Variants in SLC4A10 observed in about 807,000 individuals in gnomAD.
SLC4A10 encodes sodium-driven chloride bicarbonate exchanger.
SLC4A10 carries 42 observed loss-of-function variants against 137.7 expected under a neutral mutation model. The observed-to-expected ratio is 0.30, with a 90% CI of 0.24 to 0.39. The LOEUF (loss-of-function observed/expected upper bound fraction) is 0.39, where lower values mean the gene tolerates loss of function less well. Among genes scored for constraint, SLC4A10 ranks in the 10% least tolerant of loss-of-function variants. SLC4A10 has a pLI of 1.00. For synonymous variants in SLC4A10, 474 were observed against 464.1 expected, an observed-to-expected ratio of 1.02 and a Z score of -0.27; for missense variants, 925 against 1,355.0, an observed-to-expected ratio of 0.68 and a Z score of 4.98.
chr2:161,837,375 A>T (rs1012914389), intron 3 of SLC4A10, among the ~76,000 whole-genome samples: 1 of 152,212 alleles, frequency 6.6e-6, no homozygotes, highest in African/African-American at 2.4e-5. Flanking sequence ...TAAATTTAAC[A>T]AAGCAGGTAG....
chr2:161,723,556 T>C (rs1210078731), intron 1 of SLC4A10, among the ~76,000 whole-genome samples: 1 of 152,254 alleles, frequency 6.6e-6, no homozygotes, highest in Non-Finnish European at 1.5e-5. Context: ...GTTATTATTA[T>C]CATAATCTTT....
intron 15 of SLC4A10, among the ~76,000 whole-genome samples, chr2:161,927,787 G>A (rs1272373431): frequency 1.3e-5 from 2 of 152,158 alleles, no homozygotes; most frequent in Non-Finnish European, 2.9e-5. Context: ...ACCATCACTG[G>A]CCATCAGAGA....
At chr2:161,798,910 T>C (rs1450487444) in intron 2 of SLC4A10, among the ~76,000 whole-genome samples, 7 of 148,534 alleles carry the variant, frequency 4.7e-5, no homozygotes, top group Non-Finnish European at 1.5e-5. Context: ...GCATTCTAGA[T>C]AAGGTTTTAC....
intron 2 of SLC4A10, among the ~76,000 whole-genome samples, chr2:161,772,140 TG>T (rs1332999521): frequency 2.6e-5 from 4 of 151,828 alleles, no homozygotes; most frequent in African/African-American, 9.7e-5. Flanking sequence ...TTATGCTTAC[TG>T]GGGGGGCCTA....
intron 23 of SLC4A10, among the ~76,000 whole-genome samples, chr2:161,970,263 T>C (rs1575923670): frequency 6.6e-6 from 1 of 152,356 alleles, no homozygotes; most frequent in East Asian, 1.9e-4. Context: ...ATTTATGTAC[T>C]GATATGAACT....
chr2:161,776,050 G>A (rs1033187616), intron 2 of SLC4A10, among the ~76,000 whole-genome samples: 1 of 151,748 alleles, frequency 6.6e-6, no homozygotes, highest in African/African-American at 2.4e-5. Context: ...AATAGGAATA[G>A]CATAAGATTT....
At chr2:161,907,039 G>A (rs1684579030) in intron 15 of SLC4A10, among the ~76,000 whole-genome samples, 1 of 128,984 alleles carries the variant, frequency 7.8e-6, no homozygotes, top group African/African-American at 2.9e-5. Context: ...CTGGGCGACA[G>A]AGCGAGACTC....
At chr2:161,708,453 A>G (rs1048267204) in intron 1 of SLC4A10, among the ~76,000 whole-genome samples, 8 of 151,634 alleles carry the variant, frequency 5.3e-5, no homozygotes, top group African/African-American at 7.2e-5. Context: ...TCATAGTATC[A>G]GAAATGGGAA....
At position 161,938,186 on chromosome 2, in the gene SLC4A10, G is replaced by A. The variant is rs141164517; in HGVS notation, c.1998-4606G>A. On this transcript the variant is annotated intron_variant, in intron 15 of 26. Coordinates refer to ENST00000446997, the MANE Select transcript of SLC4A10 (RefSeq NM_001178015.2). ...TTCGGGAGGCTGAGGCACGAGAATCGCTTGAACCTGGGAGGCGGAGGTTGC... is the reference window on the plus strand; with the variant it reads ...TTCGGGAGGCTGAGGCACGAGAATCACTTGAACCTGGGAGGCGGAGGTTGC... 2.4e-3 allele frequency among the ~76,000 whole-genome samples: 358 copies of A among 152,246 alleles called. 1 individual carries two copies. The highest frequency in any genetic ancestry group is 3.6e-3 in the Non-Finnish European group (242 of 68,014).
chr2:161,801,401 T>G (rs1022634028), intron 2 of SLC4A10, among the ~76,000 whole-genome samples: 2 of 152,096 alleles, frequency 1.3e-5, no homozygotes, highest in African/African-American at 2.4e-5. Context: ...CTTATCTTTC[T>G]ATTTCAAAAT....
At chr2:161,721,082 G>T (rs1049052130) in intron 1 of SLC4A10, among the ~76,000 whole-genome samples, 1 of 152,134 alleles carries the variant, frequency 6.6e-6, no homozygotes, top group Non-Finnish European at 1.5e-5. Flanking sequence ...ACCCACCTCG[G>T]CCTCCCAAAG....
chr2:161,716,463 G>T (rs2044890014), intron 1 of SLC4A10, among the ~76,000 whole-genome samples: 1 of 152,026 alleles, frequency 6.6e-6, no homozygotes, highest in African/African-American at 2.4e-5. Context: ...ATAATTTTGG[G>T]TTTTACATTT....
At chr2:161,820,866 G>A (rs2057557111) in intron 3 of SLC4A10, among the ~76,000 whole-genome samples, 1 of 152,160 alleles carries the variant, frequency 6.6e-6, no homozygotes, top group Non-Finnish European at 1.5e-5. Context: ...ATGCCAAATA[G>A]ATTTCCAAAA....
chr2:161,718,399 TG>T (rs1170625421), intron 1 of SLC4A10, among the ~76,000 whole-genome samples: 3 of 152,136 alleles, frequency 2.0e-5, no homozygotes, highest in African/African-American at 7.2e-5. Flanking sequence ...TGTTAGGATG[TG>T]GGTTTGAGAT....
At chr2:161,947,465 C>A (rs1694032577) in intron 16 of SLC4A10, 101 bp from the exon 17 acceptor site, 1 of 1,215,664 alleles carries the variant, frequency 8.2e-7, no homozygotes, top group Non-Finnish European at 1.1e-6. Flanking sequence ...AAGGAAAAGC[C>A]TCAGCATCTG....
intron 15 of SLC4A10, among the ~76,000 whole-genome samples, chr2:161,938,912 C>T (rs1174001721): frequency 3.3e-5 from 5 of 151,810 alleles, no homozygotes; most frequent in Non-Finnish European, 5.9e-5. Context: ...TAATTTAAAG[C>T]ACCAGTTCAC....
chr2:161,639,348 C>A (rs1470557259), intron 1 of SLC4A10, among the ~76,000 whole-genome samples: 2 of 151,974 alleles, frequency 1.3e-5, no homozygotes, highest in African/African-American at 4.8e-5. Flanking sequence ...GACCAATATC[C>A]CTGATGAACA....
chr2:161,795,423 A>G (rs1290684086), intron 2 of SLC4A10, among the ~76,000 whole-genome samples: 2 of 152,120 alleles, frequency 1.3e-5, no homozygotes, highest in East Asian at 3.9e-4. Flanking sequence ...AAAGCTGTAC[A>G]TATTTAATGT....
chr2:161,658,728 T>C (rs902749505), intron 1 of SLC4A10, among the ~76,000 whole-genome samples: 1 of 150,648 alleles, frequency 6.6e-6, no homozygotes, highest in Non-Finnish European at 1.5e-5. Context: ...GTAACTGGGG[T>C]TACAGGTGCA....
Sources: allele counts gnomAD v4.1 joint callset (sites outside exome capture counted in the v4.1 genomes callset), GRCh38; gene constraint gnomAD v4.1.1; transcripts MANE v1.5; gene names NCBI Gene and HGNC (gene_info 2026-07-23, HGNC 2026-07-21).